ZC3H12B: variants seen among roughly 807,000 people sequenced by gnomAD.
The protein encoded by ZC3H12B is probable ribonuclease ZC3H12B.
ZC3H12B carries 7 observed loss-of-function variants against 43.9 expected under a neutral mutation model. The ratio of observed to expected loss-of-function variants is 0.16; its 90% CI spans 0.09 to 0.30. The LOEUF is 0.30. Ranked by LOEUF, ZC3H12B falls within the 10% of genes least tolerant of loss-of-function variation. The probability of loss-of-function intolerance (pLI) is 1.00; values close to 1 mark genes in which losing one functional copy is unlikely to be tolerated. For synonymous variants in ZC3H12B, 222 were observed against 241.7 expected (o/e 0.92, Z 0.76); for missense variants, 475 against 670.2 (o/e 0.71, Z 3.22).
the ZC3H12B span, among the ~76,000 whole-genome samples, chrX:65,323,767 A>T: frequency 1.8e-5 from 2 of 112,152 alleles, no homozygotes; most frequent in Middle Eastern, 9.3e-3. Flanking sequence ...AGGAATTGCC[A>T]CACTGTCTTC....
the ZC3H12B span, among the ~76,000 whole-genome samples, chrX:65,264,234 A>T: frequency 5.4e-5 from 6 of 111,614 alleles, no homozygotes; most frequent in East Asian, 8.4e-4. Flanking sequence ...TGATGAGTGC[A>T]CTGAAATTTC....
At chrX:65,212,693 A>T in the ZC3H12B span, among the ~76,000 whole-genome samples, 1 of 90,420 alleles carries the variant, frequency 1.1e-5, no homozygotes, top group African/African-American at 4.1e-5. Flanking sequence ...ATCATATATA[A>T]ATATATATGA....
the ZC3H12B span, among the ~76,000 whole-genome samples, chrX:65,178,072 C>A: frequency 8.9e-6 from 1 of 111,762 alleles, no homozygotes; most frequent in Non-Finnish European, 1.9e-5. Context: ...GATACATAGA[C>A]AAATAAAACA....
chrX:65,212,473 T>C, the ZC3H12B span, among the ~76,000 whole-genome samples: 2 of 67,758 alleles, frequency 3.0e-5, no homozygotes, highest in African/African-American at 1.3e-4. Flanking sequence ...AATATAATTA[T>C]ATAAATAATA....
At chrX:65,282,982 C>T in the ZC3H12B span, among the ~76,000 whole-genome samples, 1 of 111,595 alleles carries the variant, frequency 9.0e-6, no homozygotes, top group Non-Finnish European at 1.9e-5. Context: ...ATGAGGCCAG[C>T]ATCATCCTGA....
chrX:65,042,394 C>G, the ZC3H12B span, among the ~76,000 whole-genome samples: 1 of 111,972 alleles, frequency 8.9e-6, no homozygotes, highest in South Asian at 3.7e-4. Flanking sequence ...CTATTTGATT[C>G]TTAGTAATCT....
chrX:65,098,415 G>T, the ZC3H12B span, among the ~76,000 whole-genome samples: 1 of 111,276 alleles, frequency 9.0e-6, no homozygotes, highest in African/African-American at 3.3e-5. Flanking sequence ...ACTGATAGGG[G>T]ATAAAGAGAA....
chrX:65,416,968 G>T (rs777049021), intron 3 of ZC3H12B, among the ~76,000 whole-genome samples: 83 of 111,553 alleles, frequency 7.4e-4, no homozygotes, highest in Admixed American at 3.6e-3. Flanking sequence ...CATTCCAAGA[G>T]ATATGATTTA....
chrX:65,497,519 T>C (rs1170592382), intron 2 of ZC3H12B, among the ~76,000 whole-genome samples: 1 of 112,732 alleles, frequency 8.9e-6, no homozygotes, highest in Non-Finnish European at 1.9e-5. Context: ...AGGAGTGCTT[T>C]TCTATTTGAC....
At chrX:65,162,437 C>G in the ZC3H12B span, among the ~76,000 whole-genome samples, 6 of 111,790 alleles carry the variant, frequency 5.4e-5, no homozygotes, top group Non-Finnish European at 7.5e-5. Context: ...TTCACAAAGT[C>G]CCTTATTTCC....
chrX:65,277,414 C>T, the ZC3H12B span, among the ~76,000 whole-genome samples: 1 of 111,547 alleles, frequency 9.0e-6, no homozygotes, highest in Non-Finnish European at 1.9e-5. Flanking sequence ...GTAGAATACA[C>T]ATTATTTTAA....
the ZC3H12B span, among the ~76,000 whole-genome samples, chrX:65,257,514 A>G: frequency 9.9e-5 from 11 of 110,863 alleles, no homozygotes; most frequent in African/African-American, 3.3e-4. Flanking sequence ...TGACGAGTTG[A>G]TGGGTGCAGC....
At chrX:65,164,490 C>G in the ZC3H12B span, among the ~76,000 whole-genome samples, 1 of 111,545 alleles carries the variant, frequency 9.0e-6, no homozygotes, top group Non-Finnish European at 1.9e-5. Flanking sequence ...ATGATTCTAA[C>G]TTTTTTGCCC....
chrX:65,068,272 G>T, the ZC3H12B span, among the ~76,000 whole-genome samples: 1 of 109,350 alleles, frequency 9.1e-6, no homozygotes, highest in Non-Finnish European at 1.9e-5. Flanking sequence ...CCATTTTGTT[G>T]TTTTCTGGTC....
chrX:65,499,014 G>A (rs777379401), exon 3 of ZC3H12B: 14 of 1,205,018 alleles, frequency 1.2e-5, no homozygotes, highest in African/African-American at 1.8e-5. Context: ...GATATTCTAC[G>A]AAAACTGGAG....
chrX:65,500,616 C>T (rs930614436), intron 4 of ZC3H12B, among the ~76,000 whole-genome samples: 5 of 110,628 alleles, frequency 4.5e-5, no homozygotes, highest in Non-Finnish European at 9.5e-5. Flanking sequence ...TTAGTAGAGA[C>T]GGGGGTTTCA....
chrX:65,054,654 T>A, the ZC3H12B span, among the ~76,000 whole-genome samples: 1 of 111,959 alleles, frequency 8.9e-6, no homozygotes, highest in Non-Finnish European at 1.9e-5. Flanking sequence ...GGGGGTGGCG[T>A]TGAATCTGTA....
At chrX:65,106,584 G>T in the ZC3H12B span, among the ~76,000 whole-genome samples, 1 of 110,786 alleles carries the variant, frequency 9.0e-6, no homozygotes, top group South Asian at 3.8e-4. Context: ...AAAAGACTAA[G>T]AATAATATGG....
At chrX:65,180,048 C>T in the ZC3H12B span, among the ~76,000 whole-genome samples, 1 of 111,563 alleles carries the variant, frequency 9.0e-6, no homozygotes, top group African/African-American at 3.3e-5. Context: ...AGAGACACAA[C>T]AAAAAATGAA....
Sources: allele counts gnomAD v4.1 joint callset (sites outside exome capture counted in the v4.1 genomes callset), GRCh38; gene constraint gnomAD v4.1.1; transcripts MANE v1.5; gene names NCBI Gene and HGNC (gene_info 2026-07-23, HGNC 2026-07-21).